Variants in ADAM32 observed in about 807,000 individuals in gnomAD.
ADAM32 encodes ADAM metallopeptidase domain 32.
Under a neutral mutation model 114.9 loss-of-function variants are expected in ADAM32, and 89 were observed. The observed-to-expected ratio is 0.77, with a 90% CI of 0.65 to 0.92. The LOEUF (loss-of-function observed/expected upper bound fraction) is 0.92. ADAM32 is among the 40% of genes least tolerant of loss of function. The pLI, the probability that ADAM32 is intolerant of heterozygous loss-of-function variation, is 0.00. For missense variants in ADAM32, 870 were observed against 932.8 expected (o/e 0.93, Z 0.88); for synonymous variants, 285 against 307.5 (o/e 0.93, Z 0.77).
chr8:39,170,018 A>G, intron 10 of ADAM32, 21 bp downstream of exon 10: 1 of 1,486,746 alleles, frequency 6.7e-7, no homozygotes. Context: ...ATTTAATCTT[A>G]TTTTTTAAAT....
rs374546975 is a variant in ADAM32 at position 39,121,505 on chromosome 8, C to T, written c.138+3340C>T. ...TAGGAGAAATATCTAATGTAGATGACGGGTTGATGGGTGCAGCAAACCACC... is the reference window on the plus strand; with the variant it reads ...TAGGAGAAATATCTAATGTAGATGATGGGTTGATGGGTGCAGCAAACCACC... On this transcript the variant is annotated intron_variant, in intron 2 of 24. Transcript: ENST00000379907. 3.3e-3 allele frequency among the ~76,000 whole-genome samples: 503 copies of T among 152,102 alleles called. 5 individuals are homozygous for T. The highest frequency in any genetic ancestry group is 0.012 in the African/African-American group (479 of 41,484).
chr8:39,277,707 G>C (rs1327846244), intron 22 of ADAM32, among the ~76,000 whole-genome samples: 4 of 152,256 alleles, frequency 2.6e-5, no homozygotes, highest in Non-Finnish European at 5.9e-5. Context: ...ACTCGGGAGG[G>C]AGCATGCAGG....
chr8:39,107,862 C>G (rs1297984876), intron 1 of ADAM32, 29 bp downstream of exon 1: 4 of 1,511,028 alleles, frequency 2.6e-6, no homozygotes, highest in Non-Finnish European at 3.5e-6. Context: ...TGACACTAGT[C>G]CGGGCGCTCG....
chr8:39,174,041 T>G (rs933239277), intron 10 of ADAM32, among the ~76,000 whole-genome samples: 1 of 152,218 alleles, frequency 6.6e-6, no homozygotes, highest in Non-Finnish European at 1.5e-5. Flanking sequence ...GTCAGGCTGG[T>G]CTCCAACTCC....
At chr8:39,187,674 C>A (rs1453569905) in intron 11 of ADAM32, among the ~76,000 whole-genome samples, 2 of 151,856 alleles carry the variant, frequency 1.3e-5, no homozygotes, top group Non-Finnish European at 2.9e-5. Context: ...TGAAAAAAAC[C>A]CCTAACATCC....
intron 11 of ADAM32, among the ~76,000 whole-genome samples, chr8:39,209,991 C>T (rs1808104534): frequency 6.6e-6 from 1 of 152,204 alleles, no homozygotes; most frequent in Non-Finnish European, 1.5e-5. Context: ...ACCTAACACC[C>T]ACAGTCACTA....
intron 18 of ADAM32, among the ~76,000 whole-genome samples, chr8:39,254,936 C>A (rs570535759): frequency 4.1e-4 from 62 of 151,910 alleles, no homozygotes; most frequent in African/African-American, 1.4e-3. Context: ...TAGCTTAGCT[C>A]CCACTTATGA....
intron 1 of ADAM32, among the ~76,000 whole-genome samples, chr8:39,112,268 A>G (rs912214025): frequency 2.0e-5 from 3 of 152,186 alleles, no homozygotes; most frequent in African/African-American, 4.8e-5. Flanking sequence ...AGCATATTGT[A>G]TAAATTTATG....
intron 10 of ADAM32, among the ~76,000 whole-genome samples, chr8:39,176,423 C>G (rs1448715910): frequency 6.6e-6 from 1 of 152,162 alleles, no homozygotes; most frequent in African/African-American, 2.4e-5. Flanking sequence ...TTCTTGATAT[C>G]TGGCTTAATT....
At chr8:39,194,046 G>A (rs1806786740) in intron 11 of ADAM32, among the ~76,000 whole-genome samples, 1 of 152,220 alleles carries the variant, frequency 6.6e-6, no homozygotes, top group Non-Finnish European at 1.5e-5. Flanking sequence ...GTGCTAGTGT[G>A]TACTGGGGTG....
At chr8:39,241,700 C>T (rs182937740) in intron 16 of ADAM32, among the ~76,000 whole-genome samples, 147 of 152,326 alleles carry the variant, frequency 9.7e-4, no homozygotes, top group Non-Finnish European at 1.6e-3. Context: ...GCAGAGGGAC[C>T]GTGGGCCTGG....
chr8:39,282,992 T>C (rs1813524564), intron 23 of ADAM32, among the ~76,000 whole-genome samples: 1 of 152,126 alleles, frequency 6.6e-6, no homozygotes, highest in African/African-American at 2.4e-5. Flanking sequence ...ATACTCTCAC[T>C]TATATTGTAT....
At chr8:39,148,241 A>T (rs897238306) in intron 4 of ADAM32, among the ~76,000 whole-genome samples, 1 of 152,100 alleles carries the variant, frequency 6.6e-6, no homozygotes, top group African/African-American at 2.4e-5. Flanking sequence ...ATTTCCTATT[A>T]TTCTCTACCT....
chr8:39,198,187 A>T (rs1201861854), intron 11 of ADAM32, among the ~76,000 whole-genome samples: 2 of 148,950 alleles, frequency 1.3e-5, no homozygotes, highest in South Asian at 2.1e-4. Context: ...CTATTCCTTC[A>T]CTTTTGGTCT....
chr8:39,247,859 T>A (rs1252040301), intron 17 of ADAM32, among the ~76,000 whole-genome samples: 1 of 151,904 alleles, frequency 6.6e-6, no homozygotes, highest in Non-Finnish European at 1.5e-5. Context: ...CATTCTGGAT[T>A]AACTTTTTGA....
chr8:39,202,107 G>A (rs1197360760), intron 11 of ADAM32, among the ~76,000 whole-genome samples: 5 of 152,100 alleles, frequency 3.3e-5, no homozygotes, highest in African/African-American at 1.2e-4. Flanking sequence ...TTGTATCTCT[G>A]CCAGGCTTTG....
chr8:39,270,233 C>A (rs554131450), intron 19 of ADAM32, among the ~76,000 whole-genome samples: 22 of 152,224 alleles, frequency 1.4e-4, no homozygotes, highest in African/African-American at 5.3e-4. Flanking sequence ...GCATGGTGTT[C>A]AAGAATTTGT....
rs115998254 is a variant in ADAM32, at chr8:39,271,793, T to G, written c.2201+879T>G. 5.0e-3 allele frequency among the ~76,000 whole-genome samples: 752 copies of G among 151,244 alleles called. 8 individuals are homozygous for G. Among genetic ancestry groups the G allele is most frequent in the African/African-American group, 0.017 (686 of 41,296 alleles). On this transcript the variant is annotated intron_variant, in intron 20 of 24. Transcript: ENST00000379907. ...TCTTGGACTTTTACAAAATTGAAAA[T>G]GGGTAGTTAAGTGTCTTGACACTGA... is the stretch of plus-strand genomic sequence containing the variant.
At chr8:39,139,783 A>G (rs927017515) in intron 3 of ADAM32, among the ~76,000 whole-genome samples, 3 of 152,082 alleles carry the variant, frequency 2.0e-5, no homozygotes, top group African/African-American at 7.2e-5. Context: ...CATTTTCATG[A>G]TATTGATTCT....
Sources: gnomAD v4.1 joint callset for allele counts (sites outside exome capture counted in the v4.1 genomes callset) on GRCh38, gnomAD v4.1.1 for gene constraint, MANE v1.5 for transcripts, NCBI Gene and HGNC (gene_info 2026-07-23, HGNC 2026-07-21) for gene names.